The following PCDH15 variants were observed in gnomAD, a reference collection of about 807,000 sequenced individuals.
PCDH15 encodes protocadherin related 15.
In PCDH15, 129 loss-of-function variants were observed where a neutral mutation model predicts 178.5. The ratio of observed to expected loss-of-function variants is 0.72; its 90% CI spans 0.63 to 0.84. PCDH15 has a LOEUF of 0.84. Ranked by LOEUF, PCDH15 falls within the 40% of genes least tolerant of loss-of-function variation. The probability of loss-of-function intolerance (pLI) is 0.00; values close to 1 mark genes in which losing one functional copy is unlikely to be tolerated. For synonymous variants in PCDH15, 800 were observed against 732.0 expected, an observed-to-expected ratio of 1.09 and a Z score of -1.50; for missense variants, 2,230 against 2,099.9, an observed-to-expected ratio of 1.06 and a Z score of -1.21.
chr10:54,279,681 C>T (rs903049468), intron 8 of PCDH15, among the ~76,000 whole-genome samples: 1 of 151,672 alleles, frequency 6.6e-6, no homozygotes, highest in Admixed American at 6.6e-5. Context: ...TTTCCCATTA[C>T]AATTAGCAGC....
intron 1 of PCDH15, among the ~76,000 whole-genome samples, chr10:54,700,459 C>G (rs2095294466): frequency 6.6e-6 from 1 of 151,920 alleles, no homozygotes; most frequent in African/African-American, 2.4e-5. Context: ...TCCAAGGAGT[C>G]TAAGGAATAC....
intron 3 of PCDH15, among the ~76,000 whole-genome samples, chr10:54,818,258 G>T (rs985680918): frequency 6.6e-6 from 1 of 151,952 alleles, no homozygotes; most frequent in Non-Finnish European, 1.5e-5. Flanking sequence ...CTTAAGAAGA[G>T]AATAAAATGA....
intron 3 of PCDH15, among the ~76,000 whole-genome samples, chr10:54,477,796 T>C (rs2078386916): frequency 6.6e-6 from 1 of 152,062 alleles, no homozygotes; most frequent in Non-Finnish European, 1.5e-5. Context: ...AGAGACAGGC[T>C]GTTCTCAAAC....
At chr10:55,429,435 A>G (rs554438334) in intron 2 of PCDH15, among the ~76,000 whole-genome samples, 1 of 152,162 alleles carries the variant, frequency 6.6e-6, no homozygotes, top group South Asian at 2.1e-4. Flanking sequence ...ACTGTTTCTG[A>G]TGAGAACTCT....
intron 11 of PCDH15, among the ~76,000 whole-genome samples, chr10:54,190,992 A>G (rs2048938183): frequency 6.6e-6 from 1 of 152,200 alleles, no homozygotes; most frequent in South Asian, 2.1e-4. Context: ...CAGTATGAAA[A>G]ACAGCTTTCT....
chr10:53,950,224 T>G (rs2086905669), intron 23 of PCDH15, among the ~76,000 whole-genome samples: 2 of 151,972 alleles, frequency 1.3e-5, no homozygotes, highest in African/African-American at 4.8e-5. Flanking sequence ...TATAGTATAT[T>G]CTCTGAGTTT....
At chr10:55,377,027 T>C (rs74136622) in intron 2 of PCDH15, among the ~76,000 whole-genome samples, 5,111 of 151,934 alleles carry the variant, frequency 0.034, 260 homozygotes, top group African/African-American at 0.11. Context: ...GCAAGGAATT[T>C]GTGTTTAAAT....
chr10:55,392,641 T>C lies in PCDH15; in HGVS notation c.-155-225990A>G, dbSNP rs116819768. Among the ~76,000 whole-genome samples the C allele has an allele frequency of 4.1e-3, 617 of 152,246 alleles. 8 individuals carry two copies. Among genetic ancestry groups the C allele is most frequent in the African/African-American group, 0.014 (590 of 41,550 alleles). ...GCTATTTAATTTACATATGAGCAGA[T>C]AGTCAGGCCAAGCATTAATATATTT... On this transcript the variant is annotated intron_variant, in intron 2 of 5. Transcript: ENST00000613346.
At chr10:55,179,768 C>T (rs1190981872) in intron 1 of PCDH15, among the ~76,000 whole-genome samples, 1 of 151,858 alleles carries the variant, frequency 6.6e-6, no homozygotes, top group East Asian at 2.0e-4. Context: ...ATTGTTTCTG[C>T]TTGCTGATCT....
chr10:54,875,685 C>G (rs1487532719), intron 3 of PCDH15, among the ~76,000 whole-genome samples: 1 of 152,138 alleles, frequency 6.6e-6, no homozygotes, highest in Non-Finnish European at 1.5e-5. Flanking sequence ...TCCTTTAAGT[C>G]AAAGCCTCAT....
chr10:55,139,238 G>T (rs926009478), intron 2 of PCDH15, among the ~76,000 whole-genome samples: 9 of 151,832 alleles, frequency 5.9e-5, no homozygotes, highest in Non-Finnish European at 1.3e-4. Flanking sequence ...ATAGGTGATT[G>T]ATTTGTCTTT....
chr10:55,280,597 C>T (rs1842708168), intron 1 of PCDH15, among the ~76,000 whole-genome samples: 1 of 151,400 alleles, frequency 6.6e-6, no homozygotes, highest in East Asian at 1.9e-4. Context: ...CCTGTTGATT[C>T]TTTATAAGCT....
At chr10:54,571,328 A>C (rs1387314619) in intron 2 of PCDH15, among the ~76,000 whole-genome samples, 2 of 49,424 alleles carry the variant, frequency 4.0e-5, no homozygotes, top group African/African-American at 1.2e-4. Flanking sequence ...CAATAGACAA[A>C]ATTTGAAAAA....
intron 2 of PCDH15, among the ~76,000 whole-genome samples, chr10:54,957,431 G>A (rs566286889): frequency 1.3e-5 from 2 of 151,756 alleles, no homozygotes; most frequent in South Asian, 4.1e-4. Flanking sequence ...AAAGAAGTGT[G>A]TGTGGTAGGA....
chr10:55,305,678 T>C (rs1378021253), intron 1 of PCDH15, among the ~76,000 whole-genome samples: 3 of 152,234 alleles, frequency 2.0e-5, no homozygotes, highest in African/African-American at 7.2e-5. Flanking sequence ...TTTACAATTC[T>C]TTCCCTTGCT....
chr10:54,884,400 T>C (rs1954316425), intron 3 of PCDH15, among the ~76,000 whole-genome samples: 1 of 151,966 alleles, frequency 6.6e-6, no homozygotes, highest in Non-Finnish European at 1.5e-5. Flanking sequence ...AAAGTAACAC[T>C]GACTTTTCCA....
intron 25 of PCDH15, among the ~76,000 whole-genome samples, chr10:53,932,400 T>C (rs1442261138): frequency 6.6e-6 from 1 of 152,210 alleles, no homozygotes; most frequent in Non-Finnish European, 1.5e-5. Flanking sequence ...GTAGCTGTAA[T>C]ATAATGTAAT....
At chr10:55,014,172 A>G (rs10763169) in intron 2 of PCDH15, among the ~76,000 whole-genome samples, 80,146 of 151,878 alleles carry the variant, frequency 0.53, 22,188 homozygotes, top group East Asian at 0.75. Context: ...TAATACTAAC[A>G]CTCTCAAAGG....
At chr10:55,403,155 T>G (rs1838113927) in intron 2 of PCDH15, among the ~76,000 whole-genome samples, 1 of 152,042 alleles carries the variant, frequency 6.6e-6, no homozygotes, top group African/African-American at 2.4e-5. Flanking sequence ...TTTTGAAGAA[T>G]ACCTATTCAG....
Sources: allele counts gnomAD v4.1 joint callset (sites outside exome capture counted in the v4.1 genomes callset), GRCh38; gene constraint gnomAD v4.1.1; transcripts MANE v1.5; gene names NCBI Gene and HGNC (gene_info 2026-07-23, HGNC 2026-07-21).